The following VMP1 variants were observed in gnomAD, a reference collection of about 807,000 sequenced individuals.
VMP1 encodes ectopic P-granules autophagy protein 3 homolog.
In VMP1, 11 loss-of-function variants were observed where a neutral mutation model predicts 56.0. The observed-to-expected ratio is 0.20, with a 90% CI of 0.12 to 0.32. The LOEUF (loss-of-function observed/expected upper bound fraction) is 0.32. Among genes scored for constraint, VMP1 ranks in the 10% least tolerant of loss-of-function variants. The probability of loss-of-function intolerance (pLI) is 1.00; values close to 1 mark genes in which losing one functional copy is unlikely to be tolerated. For synonymous variants in VMP1, 149 were observed against 165.0 expected (o/e 0.90, Z 0.74); for missense variants, 296 against 490.3 (o/e 0.60, Z 3.74).
chr17:59,787,025 C>T (rs1473524133), intron 7 of VMP1, among the ~76,000 whole-genome samples: 1 of 152,208 alleles, frequency 6.6e-6, no homozygotes, highest in Non-Finnish European at 1.5e-5. Flanking sequence ...TAGTCTTTCA[C>T]AGTTGGCTCA....
intron 7 of VMP1, among the ~76,000 whole-genome samples, chr17:59,777,836 A>AACAAG (rs2036678109): frequency 6.6e-6 from 1 of 151,766 alleles, no homozygotes; most frequent in East Asian, 1.9e-4. Flanking sequence ...AACAAAACAA[A>AACAAG]ACAAAACAAA....
At chr17:59,781,075 G>A (rs971202852) in intron 7 of VMP1, among the ~76,000 whole-genome samples, 9 of 152,082 alleles carry the variant, frequency 5.9e-5, no homozygotes, top group Admixed American at 5.9e-4. Flanking sequence ...AGGGGTGAGG[G>A]AGAACAAGTG....
At chr17:59,836,780 T>C (rs2038996853) in intron 10 of VMP1, among the ~76,000 whole-genome samples, 2 of 151,170 alleles carry the variant, frequency 1.3e-5, no homozygotes, top group South Asian at 2.1e-4. Context: ...TGGTGACTGA[T>C]AGATAAAAAG....
Position 59,840,404 on chromosome 17 carries a change from C to T in VMP1, c.*493C>T. On this transcript the variant is annotated 3_prime_UTR_variant, in exon 12 of 12. Transcript: ENST00000262291. ...TCCATCCTGCCCAACCCTTCCTCTC[C>T]CATCCTCAAAAAAGGGCCATTTTAT... is the stretch of plus-strand genomic sequence containing the variant. The T allele has an allele frequency of 6.5e-6, 1 of 155,008 alleles. No individual in the cohort carries two copies. Among genetic ancestry groups the T allele is most frequent in the South Asian group, 1.9e-4 (1 of 5,248 alleles). The allele number at this position is 155,008 out of a possible 1,614,324, so 9.6% of individuals were successfully genotyped here. A position where few individuals can be genotyped will look rare whatever the true frequency, so the allele number is the denominator to read the frequency against.
chr17:59,756,120 GC>G (rs1048736842), intron 5 of VMP1, among the ~76,000 whole-genome samples: 2 of 152,148 alleles, frequency 1.3e-5, no homozygotes, highest in African/African-American at 4.8e-5. Flanking sequence ...ACTTGTCAGT[GC>G]CCATTGGGAA....
chr17:59,796,247 G>T (rs1211531004), intron 7 of VMP1, among the ~76,000 whole-genome samples: 1 of 152,074 alleles, frequency 6.6e-6, no homozygotes, highest in Non-Finnish European at 1.5e-5. Context: ...TGATGTTTTG[G>T]ATCACCTTTT....
chr17:59,838,606 C>A, intron 11 of VMP1: 2 of 559,406 alleles, frequency 3.6e-6, no homozygotes, highest in Non-Finnish European at 6.5e-6. Context: ...CTCCTAAAAA[C>A]AAGGGTAGAG....
At position 59,841,434 on chromosome 17, in the gene VMP1, T is replaced by A. The variant is rs955131029; in HGVS notation, c.*1523T>A. 1.4e-5 allele frequency: 5 copies of A among 365,038 alleles called. No homozygotes were observed. The highest frequency in any genetic ancestry group is 3.2e-5 in the Non-Finnish European group (5 of 158,070). 22.6% of individuals were successfully genotyped at this position (365,038 alleles called of 1,614,324 possible). ...AATCAGAAACTCTGGTCCTTCTGTC[T>A]GGTGGCACTTAGAGTCTTTTGTGCC... On this transcript the variant is annotated 3_prime_UTR_variant, in exon 12 of 12. Coordinates refer to ENST00000262291, the MANE Select transcript of VMP1 (RefSeq NM_030938.5).
chr17:59,835,818 C>G (rs970394143), intron 10 of VMP1, among the ~76,000 whole-genome samples: 1 of 149,118 alleles, frequency 6.7e-6, no homozygotes, highest in Non-Finnish European at 1.5e-5. Flanking sequence ...CAAAGTCAAC[C>G]TTTTTGTGCA....
At chr17:59,717,594 T>C (rs757438640) in intron 1 of VMP1, among the ~76,000 whole-genome samples, 6 of 152,096 alleles carry the variant, frequency 3.9e-5, no homozygotes, top group African/African-American at 1.4e-4. Context: ...TGTTGGCCAG[T>C]CTGGTCTGGA....
chr17:59,829,072 C>T (rs1241468944), intron 10 of VMP1, among the ~76,000 whole-genome samples: 1 of 152,064 alleles, frequency 6.6e-6, no homozygotes, highest in Non-Finnish European at 1.5e-5. Context: ...GCCGAGATTG[C>T]GCCACTGCAC....
At position 59,811,694 on chromosome 17, in the gene VMP1, G is replaced by A. The variant is rs1341577125; in HGVS notation, c.820G>A (p.Ala274Thr). 1.2e-6 allele frequency: 2 copies of A among 1,613,554 alleles called. No homozygotes were observed. The highest frequency in any genetic ancestry group is 1.7e-6 in the Non-Finnish European group (2 of 1,179,726). ...ASIPNPLFDL[A>T]GITCGHFLVP... ...GATTCCAAATCCTTTATTTGATCTG[G>A]CTGGAATAACGTGTGGACACTTTCT... The change falls in exon 9 of 12, where the codon GCT becomes ACT. Residue 274 changes from alanine to threonine, a missense_variant. Physicochemically the swap from Ala to Thr is moderately conservative, Grantham distance 58. Coordinates refer to ENST00000262291, the MANE Select transcript of VMP1 (RefSeq NM_030938.5).
chr17:59,824,251 CAA>C (rs532688168), intron 10 of VMP1, among the ~76,000 whole-genome samples: 45 of 115,896 alleles, frequency 3.9e-4, no homozygotes, highest in Middle Eastern at 4.6e-3. Context: ...ACTCTGTCTC[CAA>C]AAAAAAAAAA....
intron 9 of VMP1, 27 bp downstream of exon 9, chr17:59,811,813 T>TA: frequency 1.4e-6 from 2 of 1,397,376 alleles, no homozygotes; most frequent in Non-Finnish European, 2.0e-6. Context: ...ATTCACTGCC[T>TA]AATGATGATG....
intron 7 of VMP1, among the ~76,000 whole-genome samples, chr17:59,802,715 G>T (rs2037716609): frequency 6.6e-6 from 1 of 152,044 alleles, no homozygotes; most frequent in Admixed American, 6.6e-5. Context: ...ACAGGCGCCA[G>T]CCACCACGCC....
At chr17:59,709,916 G>A (rs926833263) in intron 1 of VMP1, among the ~76,000 whole-genome samples, 1 of 152,100 alleles carries the variant, frequency 6.6e-6, no homozygotes, top group African/African-American at 2.4e-5. Context: ...CTTATTATTG[G>A]GCCGGGCGCG....
chr17:59,769,308 T>A (rs1308525267), intron 6 of VMP1, among the ~76,000 whole-genome samples: 1 of 151,638 alleles, frequency 6.6e-6, no homozygotes, highest in Non-Finnish European at 1.5e-5. Flanking sequence ...TGCGCCACCA[T>A]GCCCAGCTAA....
At chr17:59,766,479 G>T (rs1464507139) in intron 6 of VMP1, among the ~76,000 whole-genome samples, 1 of 151,972 alleles carries the variant, frequency 6.6e-6, no homozygotes, top group Non-Finnish European at 1.5e-5. Flanking sequence ...CTCCAGCCTG[G>T]GCTACAGAGC....
intron 7 of VMP1, among the ~76,000 whole-genome samples, chr17:59,774,200 A>G (rs971464751): frequency 1.3e-5 from 2 of 152,190 alleles, no homozygotes; most frequent in Non-Finnish European, 2.9e-5. Flanking sequence ...TAGAGGTATT[A>G]CCAAGCAGAC....
Sources: allele counts gnomAD v4.1 joint callset (sites outside exome capture counted in the v4.1 genomes callset), GRCh38; gene constraint gnomAD v4.1.1; transcripts MANE v1.5; gene names NCBI Gene and HGNC (gene_info 2026-07-23, HGNC 2026-07-21).